HTR3B: variants seen among roughly 807,000 people sequenced by gnomAD.
HTR3B encodes the protein 5-hydroxytryptamine (serotonin) receptor 3B, ionotropic.
A neutral mutation model predicts 42.8 loss-of-function variants in HTR3B; 44 were observed. That is an observed-to-expected ratio of 1.03 (90% confidence interval 0.81 to 1.32). HTR3B has a LOEUF of 1.32. Among genes scored for constraint, HTR3B ranks in the 40% most tolerant of loss-of-function variants. HTR3B has a pLI of 0.00. For missense variants in HTR3B, 527 were observed against 536.5 expected (o/e 0.98, Z 0.17); for synonymous variants, 203 against 209.0 (o/e 0.97, Z 0.25).
At chr11:113,929,863 G>T (rs1950014171) in intron 2 of HTR3B, among the ~76,000 whole-genome samples, 3 of 152,128 alleles carry the variant, frequency 2.0e-5, no homozygotes, top group Admixed American at 2.0e-4. Context: ...CGCCCGAGTA[G>T]CTGGGACTAC....
intron 2 of HTR3B, among the ~76,000 whole-genome samples, chr11:113,926,164 C>T (rs1949969228): frequency 6.6e-6 from 1 of 152,146 alleles, no homozygotes; most frequent in Non-Finnish European, 1.5e-5. Context: ...AGCATGCTTT[C>T]AAAGTTCATA....
At chr11:113,913,487 G>A (rs955194783) in intron 2 of HTR3B, among the ~76,000 whole-genome samples, 5 of 147,838 alleles carry the variant, frequency 3.4e-5, no homozygotes, top group African/African-American at 5.0e-5. Context: ...CTGGGATTAC[G>A]GGTGTGAGCC....
chr11:113,912,033 G>T (rs1265103631), intron 2 of HTR3B, among the ~76,000 whole-genome samples: 1 of 152,078 alleles, frequency 6.6e-6, no homozygotes, highest in Non-Finnish European at 1.5e-5. Flanking sequence ...TTTTCACTCG[G>T]CATTTTGAGA....
rs565621107 is a variant in HTR3B, at chr11:113,926,224, C to T, written c.214-5160C>T. Among the ~76,000 whole-genome samples, 6 of 152,160 alleles carry T rather than the reference C, an allele frequency of 3.9e-5. 1 individual carries two copies. The highest frequency in any genetic ancestry group is 3.9e-4 in the East Asian group (2 of 5,170). On this transcript the variant is annotated intron_variant, in intron 2 of 8. Coordinates refer to ENST00000260191, the MANE Select transcript of HTR3B (RefSeq NM_006028.5). ...TTATTACTTTTTATTGCTGTATAAT[C>T]GATTGTATGGATATATCACATTTTG...
intron 6 of HTR3B, among the ~76,000 whole-genome samples, chr11:113,938,806 C>A (rs1437488541): frequency 6.6e-6 from 1 of 152,066 alleles, no homozygotes; most frequent in Non-Finnish European, 1.5e-5. Flanking sequence ...GAGTTCGAGA[C>A]CAACCTGGCC....
chr11:113,932,396 C>T lies in HTR3B; in HGVS notation c.476C>T (p.Thr159Ile). 1 of 1,614,042 alleles carries T rather than the reference C, an allele frequency of 6.2e-7. No individual in the cohort carries two copies. Among genetic ancestry groups the T allele is most frequent in the Non-Finnish European group, 8.5e-7 (1 of 1,179,886 alleles). Residue 159 changes from threonine to isoleucine, a missense_variant, in exon 5 of 9, where the codon ACA (threonine) becomes ATA (isoleucine). Coordinates refer to ENST00000260191, the MANE Select transcript of HTR3B (RefSeq NM_006028.5). ...GTGGTCTCTGCGTGCAGTTTAGAGA[C>T]ATATGCTTTTCCATTTGATGTCCAG... ...IQVVSACSLE[T>I]YAFPFDVQNC... is the part of the protein sequence containing the mutation.
At chr11:113,912,307 G>C (rs769434557) in intron 2 of HTR3B, among the ~76,000 whole-genome samples, 1 of 151,548 alleles carries the variant, frequency 6.6e-6, no homozygotes, top group African/African-American at 2.4e-5. Context: ...GCAGTGGCAC[G>C]ATCTCGGCTC....
chr11:113,935,062 A>T (rs561723777), intron 6 of HTR3B, among the ~76,000 whole-genome samples: 152 of 150,560 alleles, frequency 1.0e-3, no homozygotes, highest in Non-Finnish European at 1.3e-3. Context: ...ACACACACAC[A>T]CTCTCTCTCT....
intron 2 of HTR3B, among the ~76,000 whole-genome samples, chr11:113,911,600 C>G (rs1035863512): frequency 6.6e-6 from 1 of 152,034 alleles, no homozygotes; most frequent in African/African-American, 2.4e-5. Context: ...CATCTTGGCT[C>G]ACTGCAACCT....
intron 2 of HTR3B, among the ~76,000 whole-genome samples, chr11:113,927,682 C>G (rs909110531): frequency 6.6e-6 from 1 of 151,896 alleles, no homozygotes; most frequent in African/African-American, 2.4e-5. Flanking sequence ...CCTACCTCAG[C>G]CTCCCGAGTA....
At chr11:113,940,365 A>T (rs1177026765) in intron 6 of HTR3B, among the ~76,000 whole-genome samples, 2 of 152,164 alleles carry the variant, frequency 1.3e-5, no homozygotes, top group African/African-American at 2.4e-5. Flanking sequence ...ACAGGGCTAG[A>T]TCACCAATAG....
Position 113,932,456 on chromosome 11 carries a change from C to T in HTR3B, c.536C>T (p.Thr179Ile), listed in dbSNP as rs1321132785. 2 of 1,612,182 alleles carry T rather than the reference C, an allele frequency of 1.2e-6. No homozygotes were observed. Residue 179 changes from threonine (T) to isoleucine (I), a missense_variant and splice_region_variant, in exon 5 of 9, where the codon ACA becomes ATA. Physicochemically the swap from Thr to Ile is moderately conservative, Grantham distance 89 (BLOSUM62 -1). Coordinates refer to ENST00000260191, the MANE Select transcript of HTR3B (RefSeq NM_006028.5). ...CSLTFKSILH[T>I]VEDVDLAFLR... ...CTGACCTTCAAGAGCATTCTGCATA[C>T]AGGTAAACCATGAGAGATACCCATT...
At chr11:113,904,744 A>G, upstream of HTR3B, 1 of 535,712 alleles carries the variant, frequency 1.9e-6, no homozygotes, top group Non-Finnish European at 3.4e-6. Context: ...CAATTCCAAA[A>G]CATTTGCATG....
At chr11:113,938,294 C>T (rs984347888) in intron 6 of HTR3B, among the ~76,000 whole-genome samples, 4 of 152,128 alleles carry the variant, frequency 2.6e-5, no homozygotes, top group East Asian at 3.8e-4. Context: ...TTCATTCAGC[C>T]GCATCCCAAC....
intron 2 of HTR3B, among the ~76,000 whole-genome samples, chr11:113,928,939 AC>A (rs1474732045): frequency 6.6e-6 from 1 of 152,072 alleles, no homozygotes; most frequent in East Asian, 1.9e-4. Flanking sequence ...GGTTGATTCT[AC>A]CCCTTGGCTA....
At chr11:113,928,547 C>CT (rs1022661501) in intron 2 of HTR3B, among the ~76,000 whole-genome samples, 5 of 151,834 alleles carry the variant, frequency 3.3e-5, no homozygotes, top group Non-Finnish European at 1.5e-5. Context: ...TGCTTCCTTC[C>CT]TTTTTTTTGA....
Position 113,948,668 on chromosome 11 carries a change from A to G in HTR3B, c.*2531A>G, listed in dbSNP as rs1950197174. Among the ~76,000 whole-genome samples, 1 of 152,202 alleles carries G rather than the reference A, an allele frequency of 6.6e-6. No homozygotes were observed. Among genetic ancestry groups the G allele is most frequent in the Non-Finnish European group, 1.5e-5 (1 of 68,032 alleles). On this transcript the variant is annotated 3_prime_UTR_variant, in exon 9 of 9. Coordinates refer to ENST00000260191, the MANE Select transcript of HTR3B (RefSeq NM_006028.5). Reference sequence around the variant, plus strand: ...TACCTGAGGTCAGGAGTTTGAGACCAGCCTGACCAACATGGAGAAACCCTG... The same window carrying G: ...TACCTGAGGTCAGGAGTTTGAGACCGGCCTGACCAACATGGAGAAACCCTG...
chr11:113,916,684 C>T (rs1032751079), intron 2 of HTR3B, among the ~76,000 whole-genome samples: 1 of 152,164 alleles, frequency 6.6e-6, no homozygotes, highest in African/African-American at 2.4e-5. Context: ...TCCATACATA[C>T]AGTGTATCTC....
chr11:113,927,195 G>C (rs1949984039), intron 2 of HTR3B, among the ~76,000 whole-genome samples: 1 of 151,926 alleles, frequency 6.6e-6, no homozygotes, highest in Non-Finnish European at 1.5e-5. Context: ...TCACATTCTT[G>C]TGTTACCATC....
Sources: allele counts gnomAD v4.1 joint callset (sites outside exome capture counted in the v4.1 genomes callset), GRCh38; gene constraint gnomAD v4.1.1; transcripts MANE v1.5; gene names NCBI Gene and HGNC (gene_info 2026-07-23, HGNC 2026-07-21).